Variants in EYA1 observed in about 807,000 individuals in gnomAD.
EYA1 encodes the protein protein phosphatase EYA1.
EYA1 carries 16 observed loss-of-function variants against 82.0 expected under a neutral mutation model. The ratio of observed to expected loss-of-function variants is 0.20; its 90% CI spans 0.13 to 0.30. EYA1 has a LOEUF of 0.30. Among genes scored for constraint, EYA1 ranks in the 10% least tolerant of loss-of-function variants. The pLI is 1.00. For synonymous variants in EYA1, 261 were observed against 264.4 expected, an observed-to-expected ratio of 0.99 and a Z score of 0.12; for missense variants, 633 against 730.7, an observed-to-expected ratio of 0.87 and a Z score of 1.54.
At chr8:71,404,610 A>C (rs939078776) in intron 2 of EYA1, 1 of 152,186 alleles carries the variant, frequency 6.6e-6, no homozygotes, top group Non-Finnish European at 1.5e-5. Flanking sequence ...GCGATAATCA[A>C]ATGATGTTAA....
chr8:71,324,815 C>T (rs1822970907), intron 4 of EYA1, among the ~76,000 whole-genome samples: 1 of 152,180 alleles, frequency 6.6e-6, no homozygotes, highest in East Asian at 1.9e-4. Context: ...CCCCGACCCC[C>T]AATCCAGAAT....
chr8:71,395,352 G>T lies in EYA1; in HGVS notation c.34-38841C>A, dbSNP rs562324705. On this transcript the variant is annotated intron_variant, in intron 2 of 18. Coordinates refer to the EYA1 transcript ENST00000643681. ...TGTTGAATAGGAGTGGTGAGAGAGG[G>T]CATCCCTGTCTTGTGCCAGTTTTCA... Among the ~76,000 whole-genome samples, 61 of 152,290 alleles carry T rather than the reference G, an allele frequency of 4.0e-4. 1 individual carries two copies. In the South Asian group the frequency reaches 0.012, roughly 30 times the overall value.
At position 71,216,774 on chromosome 8, in the gene EYA1, G is replaced by A. The variant is rs4738118; in HGVS notation, c.1278C>T (p.Gly426=). ...ANLCLATGVR[G]GVDWMRKLAF... ...CCAACTTTCTCATCCAGTCCACACC[G>A]CCCCGTACACCAGTTGCCAAACATA... is the stretch of plus-strand genomic sequence containing the variant. Residue 426 remains glycine, a synonymous_variant, in exon 14 of 18, where the codon GGC becomes GGT. Transcript: ENST00000340726. 0.15 allele frequency: 241,286 copies of A among 1,613,682 alleles called. 28,388 individuals carry two copies. The highest frequency in any genetic ancestry group is 0.67 in the East Asian group (29,968 of 44,852).
chr8:71,374,909 A>G (rs1014228540), intron 2 of EYA1, among the ~76,000 whole-genome samples: 2 of 152,244 alleles, frequency 1.3e-5, no homozygotes, highest in African/African-American at 4.8e-5. Flanking sequence ...TAACTACTGC[A>G]TGATCTTATT....
chr8:71,271,923 A>G, intron 9 of EYA1, 26 bp from the exon 10 acceptor site: 1 of 1,613,990 alleles, frequency 6.2e-7, no homozygotes. Context: ...AAGGACTTTC[A>G]TCTTTTATTT....
At chr8:71,395,565 T>C (rs916876998) in intron 2 of EYA1, among the ~76,000 whole-genome samples, 14 of 152,180 alleles carry the variant, frequency 9.2e-5, no homozygotes, top group African/African-American at 3.4e-4. Flanking sequence ...GGTTTTTGTC[T>C]TTGGTTCTGT....
chr8:71,362,311 C>T (rs140141477), upstream of EYA1: 221 of 590,192 alleles, frequency 3.7e-4, no homozygotes, highest in African/African-American at 4.1e-3. Flanking sequence ...TGTAAATGAA[C>T]GCGCCCCACG....
At chr8:71,457,585 A>G (rs1808041759) in intron 2 of EYA1, among the ~76,000 whole-genome samples, 1 of 152,260 alleles carries the variant, frequency 6.6e-6, no homozygotes, top group African/African-American at 2.4e-5. Context: ...GCAGCCATAA[A>G]AAATGATGAG....
chr8:71,367,198 T>C (rs1827809143), intron 2 of EYA1, among the ~76,000 whole-genome samples: 1 of 151,898 alleles, frequency 6.6e-6, no homozygotes, highest in Non-Finnish European at 1.5e-5. Context: ...AAGCAAAGAG[T>C]CTGAGTTTAC....
intron 1 of EYA1, among the ~76,000 whole-genome samples, chr8:71,538,510 G>A (rs1456581918): frequency 6.6e-6 from 1 of 152,174 alleles, no homozygotes; most frequent in Non-Finnish European, 1.5e-5. Flanking sequence ...TTCTGGTCCT[G>A]AGCTTTATTT....
chr8:71,233,269 A>G (rs777804262), intron 12 of EYA1, among the ~76,000 whole-genome samples: 2 of 152,330 alleles, frequency 1.3e-5, no homozygotes, highest in South Asian at 4.1e-4. Flanking sequence ...TAAATATAGA[A>G]AGCCTTTGTT....
In EYA1 at chr8:71,393,445, C is replaced by T. The variant is rs954291085; in HGVS notation, c.34-36934G>A. Among the ~76,000 whole-genome samples the T allele has an allele frequency of 2.0e-5, 3 of 152,296 alleles. No homozygotes were observed. The East Asian group carries it at 5.8e-4, about 29-fold the overall frequency. ...TATCTCCTAATGCTATCCCTCCCCCCTCCAACCACTCCACGACAGTCCCCA... is the reference window on the plus strand; with the variant it reads ...TATCTCCTAATGCTATCCCTCCCCCTTCCAACCACTCCACGACAGTCCCCA... On this transcript the variant is annotated intron_variant, in intron 2 of 18. Transcript: ENST00000643681.
At chr8:71,449,832 A>G (rs1362006711) in intron 2 of EYA1, among the ~76,000 whole-genome samples, 4 of 152,190 alleles carry the variant, frequency 2.6e-5, no homozygotes, top group South Asian at 2.1e-4. Flanking sequence ...ATCTTCATCA[A>G]TGATCTTAGC....
chr8:71,454,849 A>G (rs992950384), intron 2 of EYA1, among the ~76,000 whole-genome samples: 1 of 152,228 alleles, frequency 6.6e-6, no homozygotes, highest in African/African-American at 2.4e-5. Flanking sequence ...GTGACATCAC[A>G]ATTAAAAGAA....
chr8:71,330,439 T>C (rs12679427), intron 4 of EYA1, among the ~76,000 whole-genome samples: 60,417 of 152,050 alleles, frequency 0.4, 13,760 homozygotes, highest in East Asian at 0.88. Context: ...TTGTGTCAGC[T>C]GTATGAAACC....
intron 2 of EYA1, among the ~76,000 whole-genome samples, chr8:71,454,865 G>A (rs547053588): frequency 3.3e-5 from 5 of 152,238 alleles, no homozygotes; most frequent in African/African-American, 4.8e-5. Flanking sequence ...AAGAACTAGA[G>A]AAGCAAGAGC....
intron 12 of EYA1, among the ~76,000 whole-genome samples, chr8:71,221,602 G>A (rs1332452200): frequency 6.6e-6 from 1 of 152,164 alleles, no homozygotes; most frequent in Non-Finnish European, 1.5e-5. Flanking sequence ...TTCACATACA[G>A]GTAGTTAGCC....
Position 71,534,997 on chromosome 8 carries a change from T to C in EYA1, c.33+747A>G, listed in dbSNP as rs556830347. On this transcript the variant is annotated intron_variant, in intron 2 of 18. Transcript: ENST00000643681. ...TTGTATCTGACCAGGGGACTTACAG[T>C]GTAAAGTCATGGATGCTGCCCTAAA... Among the ~76,000 whole-genome samples, 5 of 151,988 alleles carry C rather than the reference T, an allele frequency of 3.3e-5. No homozygotes were observed. The East Asian group carries it at 7.7e-4, about 24-fold the overall frequency.
chr8:71,313,895 G>T (rs953411375), intron 7 of EYA1, among the ~76,000 whole-genome samples: 2 of 152,150 alleles, frequency 1.3e-5, no homozygotes, highest in Non-Finnish European at 2.9e-5. Flanking sequence ...GGGGCTACTA[G>T]AATATTTCCC....
Sources: allele counts gnomAD v4.1 joint callset (sites outside exome capture counted in the v4.1 genomes callset), GRCh38; gene constraint gnomAD v4.1.1; transcripts MANE v1.5; gene names NCBI Gene and HGNC (gene_info 2026-07-23, HGNC 2026-07-21).